Variants in MYCT1 observed in about 807,000 individuals in gnomAD.
MYCT1 encodes the protein MYC target 1, also known as myc target protein 1.
Under a neutral mutation model 15.0 loss-of-function variants are expected in MYCT1, and 12 were observed. The ratio of observed to expected loss-of-function variants is 0.80; its 90% CI spans 0.51 to 1.29. The LOEUF (loss-of-function observed/expected upper bound fraction) is 1.29. Ranked by LOEUF, MYCT1 falls within the 50% of genes most tolerant of loss-of-function variation. The pLI is 0.00. For synonymous variants in MYCT1, 104 were observed against 102.7 expected (o/e 1.01, Z -0.07); for missense variants, 287 against 279.1 (o/e 1.03, Z -0.20).
intron 1 of MYCT1, 49 bp from the exon 2 acceptor site, chr6:152,721,693 T>C: frequency 6.4e-7 from 1 of 1,551,542 alleles, no homozygotes; most frequent in Non-Finnish European, 8.7e-7. Flanking sequence ...TGTTTTTAGT[T>C]GAAAACCTAT....
At chr6:152,708,161 A>G (rs1274032286) in intron 1 of MYCT1, among the ~76,000 whole-genome samples, 1 of 151,928 alleles carries the variant, frequency 6.6e-6, no homozygotes, top group African/African-American at 2.4e-5. Context: ...AATTTATTTC[A>G]GTAGTATTTC....
chr6:152,700,467 A>G (rs2129067776), intron 1 of MYCT1, among the ~76,000 whole-genome samples: 1 of 152,292 alleles, frequency 6.6e-6, no homozygotes, highest in South Asian at 2.1e-4. Flanking sequence ...AAATGATGGC[A>G]TAATAATATC....
At chr6:152,744,976 C>G in the MYCT1 span, among the ~76,000 whole-genome samples, 1 of 152,048 alleles carries the variant, frequency 6.6e-6, no homozygotes, top group Non-Finnish European at 1.5e-5. Flanking sequence ...GTTGAAGAAG[C>G]CTAAGGTGAG....
At chr6:152,734,894 A>C in the MYCT1 span, among the ~76,000 whole-genome samples, 2 of 152,206 alleles carry the variant, frequency 1.3e-5, no homozygotes, top group African/African-American at 4.8e-5. Context: ...TCATCTTGAC[A>C]TTTTGACTTC....
chr6:152,746,186 G>T, the MYCT1 span, among the ~76,000 whole-genome samples: 1 of 152,172 alleles, frequency 6.6e-6, no homozygotes, highest in Non-Finnish European at 1.5e-5. Context: ...TTTTTCATTT[G>T]ATCCATATAG....
the MYCT1 span, among the ~76,000 whole-genome samples, chr6:152,742,811 G>A: frequency 6.6e-6 from 1 of 152,174 alleles, no homozygotes; most frequent in East Asian, 1.9e-4. Flanking sequence ...ATTGATACCT[G>A]TTTATACACA....
the MYCT1 span, among the ~76,000 whole-genome samples, chr6:152,741,557 A>T: frequency 1.8e-3 from 280 of 152,300 alleles, no homozygotes; most frequent in African/African-American, 6.4e-3. Context: ...AGTGTGCTGT[A>T]GAAAATATTA....
rs2099724864 is a variant in MYCT1 at position 152,722,330 on chromosome 6, AT to A, written c.*81del. The A allele has an allele frequency of 5.5e-6, 8 of 1,443,948 alleles. 1 individual carries two copies. In the Middle Eastern group the frequency reaches 8.3e-4, roughly 149 times the overall value. The allele number at this position is 1,443,948 out of a possible 1,614,324, so 89.4% of individuals were successfully genotyped here. ...GGAAATCAAAAATAGGCTAAACAGA[AT>A]TTTGAGGGCATGGCCCAAATAACTC... On this transcript the variant is annotated 3_prime_UTR_variant, in exon 2 of 2. Transcript: ENST00000367245.
chr6:152,727,002 G>A (rs760936879), downstream of MYCT1, among the ~76,000 whole-genome samples: 10 of 152,222 alleles, frequency 6.6e-5, no homozygotes, highest in Non-Finnish European at 1.5e-4. Context: ...GGGAGGGCTG[G>A]AGTTTGAAAC....
chr6:152,714,818 T>C (rs9384037), intron 1 of MYCT1, among the ~76,000 whole-genome samples: 50,686 of 151,152 alleles, frequency 0.34, 8,604 homozygotes, highest in South Asian at 0.42. Context: ...TTATTAGGTA[T>C]ATATAAATTT....
the MYCT1 span, among the ~76,000 whole-genome samples, chr6:152,733,397 C>G: frequency 2.6e-5 from 4 of 152,346 alleles, no homozygotes; most frequent in South Asian, 8.3e-4. Context: ...GCCACCATGC[C>G]TGGCCTTCCA....
Position 152,722,733 on chromosome 6 carries a change from A to C in MYCT1, c.*480A>C, listed in dbSNP as rs1417101017. 2.5e-6 allele frequency: 1 copy of C among 402,082 alleles called. No individual in the cohort carries two copies. The highest frequency in any genetic ancestry group is 4.9e-6 in the Non-Finnish European group (1 of 204,052). 24.9% of individuals were successfully genotyped at this position (402,082 alleles called of 1,614,324 possible). On this transcript the variant is annotated 3_prime_UTR_variant, in exon 2 of 2. Transcript: ENST00000367245. ...AATCATATTGACATTTTACAATCTT[A>C]GATTTTTCTTTTTTTTTCTTTTGAG...
the MYCT1 span, among the ~76,000 whole-genome samples, chr6:152,733,009 T>C: frequency 6.6e-6 from 1 of 152,250 alleles, no homozygotes; most frequent in African/African-American, 2.4e-5. Flanking sequence ...GTCAGAGCTT[T>C]TCCCTATAGA....
chr6:152,699,260 A>G (rs1291801558), intron 1 of MYCT1, among the ~76,000 whole-genome samples: 5 of 152,144 alleles, frequency 3.3e-5, no homozygotes, highest in Non-Finnish European at 1.5e-5. Flanking sequence ...TAGATGAAAA[A>G]TGTGGGGACA....
At chr6:152,716,366 C>T (rs1174936496) in intron 1 of MYCT1, among the ~76,000 whole-genome samples, 2 of 152,240 alleles carry the variant, frequency 1.3e-5, no homozygotes, top group East Asian at 1.9e-4. Context: ...ATACCAAGGA[C>T]TTCATGGCCT....
At chr6:152,743,289 C>A in the MYCT1 span, among the ~76,000 whole-genome samples, 1 of 152,092 alleles carries the variant, frequency 6.6e-6, no homozygotes, top group South Asian at 2.1e-4. Flanking sequence ...TGGTTTTGAA[C>A]TCCTGGCCTC....
chr6:152,707,231 T>C (rs2099722451), intron 1 of MYCT1, among the ~76,000 whole-genome samples: 1 of 152,120 alleles, frequency 6.6e-6, no homozygotes, highest in South Asian at 2.1e-4. Flanking sequence ...ATTGTGGCTT[T>C]GATTTGCGTT....
At chr6:152,726,051 A>G (rs114308364), downstream of MYCT1, among the ~76,000 whole-genome samples, 768 of 152,342 alleles carry the variant, frequency 5.0e-3, 6 homozygotes, top group African/African-American at 0.017. Flanking sequence ...AAGATTACTC[A>G]TATCTTTTTA....
At chr6:152,720,472 G>T (rs1463574106) in intron 1 of MYCT1, among the ~76,000 whole-genome samples, 1 of 152,044 alleles carries the variant, frequency 6.6e-6, no homozygotes, top group African/African-American at 2.4e-5. Context: ...TAATTTTCAG[G>T]CTATGGCTCT....
Sources: allele counts gnomAD v4.1 joint callset (sites outside exome capture counted in the v4.1 genomes callset), GRCh38; gene constraint gnomAD v4.1.1; transcripts MANE v1.5; gene names NCBI Gene and HGNC (gene_info 2026-07-23, HGNC 2026-07-21).